DDX50: variants seen among roughly 807,000 people sequenced by gnomAD.
The protein encoded by DDX50 is DExD-box helicase 50.
DDX50 carries 56 observed loss-of-function variants against 94.8 expected under a neutral mutation model. That is an observed-to-expected ratio of 0.59 (90% CI 0.48 to 0.74). The LOEUF (loss-of-function observed/expected upper bound fraction) is 0.74, where lower values mean the gene tolerates loss of function less well. Ranked by LOEUF, DDX50 falls within the 30% of genes least tolerant of loss-of-function variation. DDX50 has a pLI of 0.00. For missense variants in DDX50, 713 were observed against 881.2 expected (o/e 0.81, Z 2.42); for synonymous variants, 264 against 295.4 (o/e 0.89, Z 1.09).
At chr10:68,942,545 A>G (rs1002456965) in intron 13 of DDX50, among the ~76,000 whole-genome samples, 20 of 152,174 alleles carry the variant, frequency 1.3e-4, no homozygotes, top group Non-Finnish European at 2.4e-4. Context: ...CTTTCAGCTT[A>G]TTGACAACTA....
chr10:68,932,629 C>T (rs995182067), intron 8 of DDX50, among the ~76,000 whole-genome samples: 25 of 151,878 alleles, frequency 1.6e-4, no homozygotes, highest in African/African-American at 5.8e-4. Context: ...TTTATAATAC[C>T]AGGAAATTTG....
intron 7 of DDX50, among the ~76,000 whole-genome samples, chr10:68,919,133 G>A (rs531651097): frequency 1.3e-5 from 2 of 152,280 alleles, no homozygotes; most frequent in South Asian, 4.2e-4. Flanking sequence ...TTTGATGTTT[G>A]CGTAATGATG....
intron 8 of DDX50, among the ~76,000 whole-genome samples, chr10:68,927,877 C>T (rs1842132235): frequency 6.6e-6 from 1 of 152,144 alleles, no homozygotes; most frequent in Admixed American, 6.6e-5. Context: ...TACTTTTGAG[C>T]TGGCCGCCAT....
chr10:68,931,950 G>A (rs1232310561), intron 8 of DDX50, among the ~76,000 whole-genome samples: 1 of 152,004 alleles, frequency 6.6e-6, no homozygotes, highest in African/African-American at 2.4e-5. Flanking sequence ...CTAGCCTTCT[G>A]CTCCTTCTTT....
intron 8 of DDX50, among the ~76,000 whole-genome samples, chr10:68,928,398 C>T (rs1057334885): frequency 6.6e-5 from 10 of 151,988 alleles, no homozygotes; most frequent in South Asian, 2.1e-4. Context: ...GGGCCAGGCA[C>T]GATGGCTTAC....
intron 12 of DDX50, among the ~76,000 whole-genome samples, chr10:68,940,188 A>G (rs1234550712): frequency 6.6e-6 from 1 of 151,912 alleles, no homozygotes; most frequent in Non-Finnish European, 1.5e-5. Context: ...CAGGGGTTCA[A>G]GACCAACCTG....
chr10:68,908,732 C>T (rs7901973), intron 2 of DDX50, among the ~76,000 whole-genome samples: 1 of 149,694 alleles, frequency 6.7e-6, no homozygotes, highest in Non-Finnish European at 1.5e-5. Context: ...CCTCATCCTC[C>T]CTGGGCTCAG....
rs1184019850 is a variant in DDX50, at chr10:68,901,418, G to C, written c.34G>C (p.Glu12Gln). ...PGKLLWGDIM[E>Q]LEAPLEESES... is the part of the protein sequence containing the mutation. ...GAAACTCCTCTGGGGGGACATTATG[G>C]AGCTGGAAGCACCCTTGGAGGAGTC... The change falls in exon 1 of 15, where the codon GAG becomes CAG. Residue 12 changes from glutamate to glutamine, a missense_variant. Physicochemically the swap from Glu to Gln is conservative, Grantham distance 29 (BLOSUM62 2). Coordinates refer to ENST00000373585, the MANE Select transcript of DDX50 (RefSeq NM_024045.2). 6.4e-7 allele frequency: 1 copy of C among 1,574,470 alleles called. No individual in the cohort carries two copies. The highest frequency in any genetic ancestry group is 1.9e-5 in the Admixed American group (1 of 53,996).
intron 8 of DDX50, among the ~76,000 whole-genome samples, chr10:68,931,880 A>G (rs1405002119): frequency 6.6e-6 from 1 of 151,930 alleles, no homozygotes; most frequent in Non-Finnish European, 1.5e-5. Flanking sequence ...GCAGTGCTCA[A>G]ATATTTGTAG....
intron 12 of DDX50, 132 bp from the exon 13 acceptor site, chr10:68,940,928 T>A (rs1015282489): frequency 8.2e-6 from 10 of 1,222,082 alleles, no homozygotes; most frequent in African/African-American, 7.7e-5. Context: ...TTCAAAAAAA[T>A]TTTTTAGCTG....
intron 6 of DDX50, 90 bp from the exon 7 acceptor site, chr10:68,913,969 A>G (rs1376887238): frequency 5.6e-6 from 7 of 1,250,176 alleles, no homozygotes; most frequent in East Asian, 5.6e-5. Context: ...TACATTTTTC[A>G]TTATTTTTTT....
At chr10:68,932,427 T>C (rs1465937700) in intron 8 of DDX50, among the ~76,000 whole-genome samples, 1 of 152,058 alleles carries the variant, frequency 6.6e-6, no homozygotes, top group Non-Finnish European at 1.5e-5. Flanking sequence ...ACCTGGCTAA[T>C]CTTTGTATTT....
chr10:68,903,863 C>G (rs1252321138), intron 1 of DDX50, among the ~76,000 whole-genome samples: 1 of 151,496 alleles, frequency 6.6e-6, no homozygotes, highest in African/African-American at 2.4e-5. Context: ...GTAATTCCAG[C>G]TACTCGGGAG....
chr10:68,934,413 A>C lies in DDX50; in HGVS notation c.1401+53A>C. 1 of 1,604,494 alleles carries C rather than the reference A, an allele frequency of 6.2e-7. No homozygotes were observed. Among genetic ancestry groups the C allele is most frequent in the Non-Finnish European group, 8.5e-7 (1 of 1,176,860 alleles). The stretch of plus-strand genomic sequence containing the variant: ...AATAAGAGCAATTTTATAAATTCCC[A>C]TTTAATTTACAACATATTGCTTGGG... On this transcript the variant is annotated intron_variant, in intron 9 of 14. Transcript: ENST00000373585. The surrounding 1 kb of genome is among the most constrained non-coding windows in gnomAD (Gnocchi z 4.0).
Position 68,946,369 on chromosome 10 carries a change from C to T in DDX50, c.1953C>T (p.Ser651=), listed in dbSNP as rs779071769. 14 of 1,611,928 alleles carry T rather than the reference C, an allele frequency of 8.7e-6. No homozygotes were observed. The highest frequency in any genetic ancestry group is 3.3e-5 in the South Asian group (3 of 90,926). The change falls in exon 15 of 15, where the codon TCC becomes TCT. Residue 651 remains serine (S), a synonymous_variant. Transcript: ENST00000373585. ...SERLQAEWHD[S]DWILSVPAKL... Reference sequence around the variant, plus strand: ...CCTAACAGGCAGAGTGGCATGATTCCGACTGGATACTCTCAGTGCCAGCCA... The same window carrying T: ...CCTAACAGGCAGAGTGGCATGATTCTGACTGGATACTCTCAGTGCCAGCCA...
intron 14 of DDX50, 87 bp downstream of exon 14, chr10:68,943,344 C>A: frequency 1.9e-6 from 2 of 1,033,792 alleles, no homozygotes; most frequent in Admixed American, 2.3e-5. Context: ...GTCACAATGT[C>A]ATTATCATGC....
chr10:68,931,183 G>T (rs74139939), intron 8 of DDX50, among the ~76,000 whole-genome samples: 10,180 of 151,638 alleles, frequency 0.067, 436 homozygotes, highest in Middle Eastern at 0.12. Flanking sequence ...AGGATATAAA[G>T]ACTATGAGGA....
chr10:68,911,032 C>T (rs199804974), intron 3 of DDX50, 36 bp from the exon 4 acceptor site: 12 of 1,370,266 alleles, frequency 8.8e-6, no homozygotes, highest in Admixed American at 7.8e-5. Context: ...TAATGCTAGT[C>T]GTAAAGAAGT....
intron 8 of DDX50, among the ~76,000 whole-genome samples, chr10:68,923,478 T>C (rs1213848579): frequency 6.6e-6 from 1 of 151,740 alleles, no homozygotes; most frequent in East Asian, 1.9e-4. Flanking sequence ...AGTGCTGGGA[T>C]TACAGTCGAA....
Sources: gnomAD v4.1 joint callset for allele counts (sites outside exome capture counted in the v4.1 genomes callset) on GRCh38, gnomAD v4.1.1 for gene constraint, Gnocchi (gnomAD v3.1) non-coding constraint, MANE v1.5 for transcripts, NCBI Gene and HGNC (gene_info 2026-07-23, HGNC 2026-07-21) for gene names.